Variants in EFR3B observed in about 807,000 individuals in gnomAD.
The protein encoded by EFR3B is EFR3 homolog B, also known as protein EFR3 homolog B.
Under a neutral mutation model 104.7 loss-of-function variants are expected in EFR3B, and 64 were observed. That is an observed-to-expected ratio of 0.61 (90% CI 0.50 to 0.75). The LOEUF is 0.75. Among genes scored for constraint, EFR3B ranks in the 30% least tolerant of loss-of-function variants. EFR3B has a pLI of 0.00. For synonymous variants in EFR3B, 385 were observed against 417.9 expected (o/e 0.92, Z 0.96); for missense variants, 750 against 1,078.5 (o/e 0.70, Z 4.27).
intron 5 of EFR3B, 70 bp downstream of exon 5, chr2:25,121,864 T>G: frequency 6.5e-7 from 1 of 1,542,432 alleles, no homozygotes; most frequent in Non-Finnish European, 8.8e-7. Context: ...TGTAGATAAC[T>G]TCCAACCTGC....
chr2:25,120,459 C>T (rs1424361731), intron 4 of EFR3B, among the ~76,000 whole-genome samples: 1 of 152,120 alleles, frequency 6.6e-6, no homozygotes, highest in Non-Finnish European at 1.5e-5. Flanking sequence ...TCCTGGCCAA[C>T]ATGGTGAAAC....
intron 3 of EFR3B, among the ~76,000 whole-genome samples, chr2:25,098,395 C>G (rs1217762687): frequency 2.0e-5 from 3 of 152,182 alleles, no homozygotes; most frequent in Non-Finnish European, 4.4e-5. Context: ...TTACTCCCCA[C>G]TCCTCCTTTC....
chr2:25,138,337 G>A (rs988253190), intron 15 of EFR3B, among the ~76,000 whole-genome samples: 2 of 152,200 alleles, frequency 1.3e-5, no homozygotes, highest in Non-Finnish European at 2.9e-5. Flanking sequence ...CGATGCGCAG[G>A]CAGCCAGTGT....
At position 25,156,226 on chromosome 2, in the gene EFR3B, A is replaced by G. The variant is rs1573245284; in HGVS notation, c.*1886A>G. 6.7e-6 allele frequency: 1 copy of G among 149,678 alleles called. No individual in the cohort carries two copies. Among genetic ancestry groups the G allele is most frequent in the Non-Finnish European group, 1.5e-5 (1 of 67,724 alleles). 9.3% of individuals were successfully genotyped at this position (149,678 alleles called of 1,614,324 possible). On this transcript the variant is annotated 3_prime_UTR_variant, in exon 23 of 23. Coordinates refer to ENST00000403714, the MANE Select transcript of EFR3B (RefSeq NM_014971.2). ...TGACCCTCATTCCCATAGTTTTGGC[A>G]CTTCAAATGAAGCTCTTCCTTGTGG... is the stretch of plus-strand genomic sequence containing the variant.
intron 1 of EFR3B, among the ~76,000 whole-genome samples, chr2:25,048,597 G>A (rs1180171153): frequency 6.6e-6 from 1 of 151,516 alleles, no homozygotes; most frequent in East Asian, 2.0e-4. Flanking sequence ...CTTGTGGGTG[G>A]CAAGCCACCC....
At chr2:25,047,967 A>T (rs1364870636) in intron 1 of EFR3B, among the ~76,000 whole-genome samples, 3 of 152,204 alleles carry the variant, frequency 2.0e-5, no homozygotes, top group African/African-American at 7.2e-5. Flanking sequence ...AAACAATATA[A>T]CATTTACTGC....
At chr2:25,123,838 A>C (rs902419695) in intron 5 of EFR3B, among the ~76,000 whole-genome samples, 5 of 152,234 alleles carry the variant, frequency 3.3e-5, no homozygotes, top group Non-Finnish European at 7.4e-5. Flanking sequence ...GTGCACATAC[A>C]CATGATCTGT....
Position 25,139,159 on chromosome 2 carries a change from C to A in EFR3B, c.1823C>A (p.Thr608Lys), listed in dbSNP as rs1303814893. 1 of 1,551,686 alleles carries A rather than the reference C, an allele frequency of 6.4e-7. No homozygotes were observed. Among genetic ancestry groups the A allele is most frequent in the African/African-American group, 1.4e-5 (1 of 73,172 alleles). ...CTGAACCTCATCAGTCAGCTCACAA[C>A]AGTGCCTGCCTTCTGCCAGCACATC... ...AYLNLISQLT[T>K]VPAFCQHIHE... The change falls in exon 16 of 23, where the codon ACA becomes AAA. Residue 608 changes from threonine to lysine, a missense_variant. Coordinates refer to ENST00000403714, the MANE Select transcript of EFR3B (RefSeq NM_014971.2).
intron 1 of EFR3B, among the ~76,000 whole-genome samples, chr2:25,085,350 C>G (rs796511896): frequency 6.6e-6 from 1 of 152,178 alleles, no homozygotes; most frequent in South Asian, 2.1e-4. Flanking sequence ...AAAATTAGGG[C>G]TGTTTCCAAT....
rs368892215 is a variant in EFR3B, at chr2:25,120,112, T to G, written c.364-1561T>G. On this transcript the variant is annotated intron_variant, in intron 4 of 22. Transcript: ENST00000403714. ...GCTGATGCCTATAATCCCAGCACTT[T>G]GGGAGGCCGAGGTGGGTGGATCACC... Among the ~76,000 whole-genome samples the G allele has an allele frequency of 9.7e-4, 148 of 152,198 alleles. 1 individual carries two copies. The highest frequency in any genetic ancestry group is 3.4e-3 in the African/African-American group (141 of 41,528).
chr2:25,083,276 C>T (rs1266839330), intron 1 of EFR3B, among the ~76,000 whole-genome samples: 3 of 152,092 alleles, frequency 2.0e-5, no homozygotes, highest in Non-Finnish European at 4.4e-5. Flanking sequence ...AAAGAGGACC[C>T]GTTGGAAAGT....
intron 1 of EFR3B, among the ~76,000 whole-genome samples, chr2:25,090,937 C>T (rs111235809): frequency 2.0e-5 from 3 of 152,288 alleles, no homozygotes; most frequent in Non-Finnish European, 2.9e-5. Context: ...GTCCCGGAAA[C>T]GTGAGTGTGT....
In EFR3B at chr2:25,051,257, G is replaced by A. The variant is rs184083702; in HGVS notation, c.7+8938G>A. ...CTCCCGAGTAGCTAGGACTACAGGC[G>A]TGAGCCACCATGTCTGGCTAATTTT... On this transcript the variant is annotated intron_variant, in intron 1 of 22. Transcript: ENST00000403714. Among the ~76,000 whole-genome samples, 6 of 152,192 alleles carry A rather than the reference G, an allele frequency of 3.9e-5. No individual in the cohort carries two copies. The East Asian group carries it at 7.7e-4, about 20-fold the overall frequency.
chr2:25,081,156 T>C (rs1668791960), intron 1 of EFR3B: 1 of 709,956 alleles, frequency 1.4e-6, no homozygotes, highest in Non-Finnish European at 2.5e-6. Flanking sequence ...TATTCCACCC[T>C]TTTCTCCCAT....
At chr2:25,124,395 G>A (rs1670106799) in intron 5 of EFR3B, among the ~76,000 whole-genome samples, 1 of 151,352 alleles carries the variant, frequency 6.6e-6, no homozygotes, top group Non-Finnish European at 1.5e-5. Context: ...ACTTCATGGG[G>A]CCCTTGGTCA....
In EFR3B at chr2:25,135,688, C is replaced by T. The variant is rs759501097; in HGVS notation, c.1484+49C>T. ...GGCAATGCAAGATGGGGAGAGGACT[C>T]TCCATTAGGTCCTATCCTTTGGTCC... On this transcript the variant is annotated intron_variant, in intron 13 of 22. Coordinates refer to ENST00000403714, the MANE Select transcript of EFR3B (RefSeq NM_014971.2). The T allele has an allele frequency of 5.2e-6, 8 of 1,544,336 alleles. No individual in the cohort carries two copies. In the South Asian group the frequency reaches 8.4e-5, roughly 16 times the overall value.
At chr2:25,105,654 G>T (rs1669541881) in intron 4 of EFR3B, among the ~76,000 whole-genome samples, 1 of 152,198 alleles carries the variant, frequency 6.6e-6, no homozygotes, top group African/African-American at 2.4e-5. Context: ...CCTTTGTCAA[G>T]TTGCTCTGGC....
intron 4 of EFR3B, among the ~76,000 whole-genome samples, chr2:25,112,011 A>C (rs1285583385): frequency 6.6e-6 from 1 of 152,244 alleles, no homozygotes; most frequent in Non-Finnish European, 1.5e-5. Flanking sequence ...GTGTCCTTCA[A>C]ATAATTCTCT....
chr2:25,097,222 G>T (rs1669305252), intron 3 of EFR3B, among the ~76,000 whole-genome samples: 1 of 152,190 alleles, frequency 6.6e-6, no homozygotes. Context: ...AATAGCCATT[G>T]TAGCCTCTAA....
Sources: gnomAD v4.1 joint callset for allele counts (sites outside exome capture counted in the v4.1 genomes callset) on GRCh38, gnomAD v4.1.1 for gene constraint, MANE v1.5 for transcripts, NCBI Gene and HGNC (gene_info 2026-07-23, HGNC 2026-07-21) for gene names.